BAZ1B: variants seen among roughly 807,000 people sequenced by gnomAD.
BAZ1B encodes the protein tyrosine-protein kinase BAZ1B.
BAZ1B carries 22 observed loss-of-function variants against 153.8 expected under a neutral mutation model. The ratio of observed to expected loss-of-function variants is 0.14; its 90% CI spans 0.10 to 0.20. The LOEUF is 0.20. Among genes scored for constraint, BAZ1B ranks in the 10% least tolerant of loss-of-function variants. The pLI is 1.00. For synonymous variants in BAZ1B, 676 were observed against 633.4 expected (o/e 1.07, Z -1.01); for missense variants, 1,325 against 1,799.3 (o/e 0.74, Z 4.77).
At chr7:73,514,608 A>G (rs967426796) in intron 1 of BAZ1B, among the ~76,000 whole-genome samples, 1 of 151,950 alleles carries the variant, frequency 6.6e-6, no homozygotes, top group Non-Finnish European at 1.5e-5. Context: ...CCAGGAGTTC[A>G]AGAGCAGCCT....
intron 14 of BAZ1B, 22 bp from the exon 15 acceptor site, chr7:73,449,711 TAGCATTGTTGGGAGC>T: frequency 1.2e-6 from 2 of 1,612,576 alleles, no homozygotes; most frequent in Non-Finnish European, 1.7e-6. Context: ...TAAATGTGAA[TAGCATTGTTGGGAGC>T]ACAGCAGCAG....
At chr7:73,485,742 T>A (rs1475780569) in intron 6 of BAZ1B, among the ~76,000 whole-genome samples, 3 of 152,160 alleles carry the variant, frequency 2.0e-5, no homozygotes, top group Non-Finnish European at 1.5e-5. Flanking sequence ...AATTCTCCTG[T>A]ATAAAATTAT....
intron 3 of BAZ1B, 143 bp downstream of exon 3, chr7:73,508,184 T>C (rs1176723051): frequency 1.1e-6 from 1 of 882,872 alleles, no homozygotes; most frequent in Non-Finnish European, 1.6e-6. Context: ...AACACACAAG[T>C]ATTAACGTAA....
At chr7:73,460,305 T>C (rs1788352865) in intron 12 of BAZ1B, among the ~76,000 whole-genome samples, 2 of 152,108 alleles carry the variant, frequency 1.3e-5, no homozygotes, top group Non-Finnish European at 2.9e-5. Context: ...AGTTGATTCA[T>C]TCAATAATGA....
chr7:73,463,977 A>G (rs1375260502), intron 11 of BAZ1B: 6 of 313,222 alleles, frequency 1.9e-5, no homozygotes, highest in Non-Finnish European at 2.8e-5. Flanking sequence ...AAATGCTGGG[A>G]TTACAGGCGT....
chr7:73,469,134 A>AC (rs1285476053), intron 9 of BAZ1B, among the ~76,000 whole-genome samples: 2 of 151,392 alleles, frequency 1.3e-5, no homozygotes, highest in African/African-American at 4.8e-5. Flanking sequence ...CCGTCTCAAA[A>AC]AAAAAAAAAA....
chr7:73,468,513 T>C (rs1411788487), intron 9 of BAZ1B, among the ~76,000 whole-genome samples: 1 of 152,180 alleles, frequency 6.6e-6, no homozygotes, highest in African/African-American at 2.4e-5. Flanking sequence ...AATTAAAATT[T>C]GTTTTATTTC....
chr7:73,450,810 T>C lies in BAZ1B; in HGVS notation c.3580+37A>G, dbSNP rs889765119. 6.2e-7 allele frequency: 1 copy of C among 1,608,560 alleles called. No homozygotes were observed. Among genetic ancestry groups the C allele is most frequent in the African/African-American group, 1.3e-5 (1 of 74,944 alleles). On this transcript the variant is annotated intron_variant, in intron 14 of 19. Transcript: ENST00000339594. This position sits in a 1 kb window ranked among gnomAD's most constrained non-coding sequence, Gnocchi z 4.1. ...TCTTGGGAATAGAAATCCTACTCCC[T>C]AATATACCCACATAAGCAAATTTGA...
At chr7:73,479,494 C>G (rs1789118654) in intron 6 of BAZ1B, among the ~76,000 whole-genome samples, 1 of 136,596 alleles carries the variant, frequency 7.3e-6, no homozygotes, top group Non-Finnish European at 1.5e-5. Flanking sequence ...GAGGACAGAG[C>G]AAGACCCCCG....
At chr7:73,514,741 G>A (rs2115595290) in intron 1 of BAZ1B, among the ~76,000 whole-genome samples, 1 of 152,196 alleles carries the variant, frequency 6.6e-6, no homozygotes, top group South Asian at 2.1e-4. Flanking sequence ...AGGAGGTGGA[G>A]GTTGCAGTGA....
chr7:73,477,962 G>C lies in BAZ1B; in HGVS notation c.1499C>G (p.Ser500Cys). ...DKRSALSCVI[S>C]KTARLLSSED... ...ACTAGAGAGAAGACGAGCTGTTTTG[G>C]AGATAACACAGGACAGGGCGCTCCT... Residue 500 changes from serine (S) to cysteine (C), a missense_variant, in exon 7 of 20, where the codon TCC becomes TGC. Ser to Cys is a moderately radical substitution (Grantham distance 112). Transcript: ENST00000339594. The surrounding 1 kb of genome is among the most constrained non-coding windows in gnomAD (Gnocchi z 5.6). 1 of 1,614,106 alleles carries C rather than the reference G, an allele frequency of 6.2e-7. No individual in the cohort carries two copies. The highest frequency in any genetic ancestry group is 8.5e-7 in the Non-Finnish European group (1 of 1,180,018).
intron 1 of BAZ1B, among the ~76,000 whole-genome samples, chr7:73,521,183 A>G (rs1321462928): frequency 3.3e-5 from 5 of 152,120 alleles, no homozygotes; most frequent in African/African-American, 1.2e-4. Flanking sequence ...CAGGGAAGGC[A>G]GGCATCAGCT....
chr7:73,448,693 T>C (rs962553944), intron 15 of BAZ1B, among the ~76,000 whole-genome samples: 1 of 152,168 alleles, frequency 6.6e-6, no homozygotes, highest in Non-Finnish European at 1.5e-5. Context: ...TGTTCCCAGC[T>C]GGGAGAAAGG....
intron 5 of BAZ1B, among the ~76,000 whole-genome samples, chr7:73,491,744 G>T (rs993989712): frequency 6.6e-6 from 1 of 152,148 alleles, no homozygotes; most frequent in Non-Finnish European, 1.5e-5. Flanking sequence ...AGAAGCAAAA[G>T]ATTTGGGTTA....
chr7:73,518,925 C>G (rs1233914152), intron 1 of BAZ1B, among the ~76,000 whole-genome samples: 1 of 152,112 alleles, frequency 6.6e-6, no homozygotes, highest in Non-Finnish European at 1.5e-5. Flanking sequence ...AGCTCCAATT[C>G]CTGCCTAAAA....
In BAZ1B at chr7:73,522,104, G is replaced by A. The variant is rs1195126950; in HGVS notation, c.-171C>T. Reference sequence around the variant, plus strand: ...TCACCGCCGGCGCGGCCGCGCGACAGTCATGGAGCGGAACGCCACGGCGCA... The same window carrying A: ...TCACCGCCGGCGCGGCCGCGCGACAATCATGGAGCGGAACGCCACGGCGCA... On this transcript the variant is annotated 5_prime_UTR_variant, in exon 1 of 20. Coordinates refer to ENST00000339594, the MANE Select transcript of BAZ1B (RefSeq NM_032408.4). The A allele has an allele frequency of 5.6e-5, 24 of 427,876 alleles. No individual in the cohort carries two copies. The East Asian group carries it at 7.5e-4, about 13-fold the overall frequency. The allele number at this position is 427,876 out of a possible 1,614,324, so 26.5% of individuals were successfully genotyped here. A position where few individuals can be genotyped will look rare whatever the true frequency, so the allele number is the denominator to read the frequency against.
intron 4 of BAZ1B, among the ~76,000 whole-genome samples, chr7:73,494,239 T>G (rs538157647): frequency 6.6e-6 from 1 of 151,584 alleles, no homozygotes; most frequent in Non-Finnish European, 1.5e-5. Context: ...AAAAATTAGC[T>G]GGGCATGGTG....
intron 11 of BAZ1B, chr7:73,464,123 T>C (rs188466375): frequency 7.9e-5 from 78 of 981,678 alleles, no homozygotes; most frequent in East Asian, 1.1e-4. Flanking sequence ...AATGTACCTA[T>C]TGTCCTTCGC....
At chr7:73,456,370 C>G (rs1788199336) in intron 13 of BAZ1B, among the ~76,000 whole-genome samples, 1 of 152,064 alleles carries the variant, frequency 6.6e-6, no homozygotes, top group Non-Finnish European at 1.5e-5. Context: ...GAAAAGGCTA[C>G]CCATGGAACT....
Sources: allele counts gnomAD v4.1 joint callset (sites outside exome capture counted in the v4.1 genomes callset), GRCh38; gene constraint gnomAD v4.1.1; non-coding constraint Gnocchi (gnomAD v3.1); transcripts MANE v1.5; gene names NCBI Gene and HGNC (gene_info 2026-07-23, HGNC 2026-07-21).